The following FAM72D variants were observed in gnomAD, a reference collection of about 807,000 sequenced individuals.
The protein encoded by FAM72D is protein FAM72D.
For missense variants in FAM72D, 9 were observed against 104.7 expected, an observed-to-expected ratio of 0.09 and a Z score of 3.99; for synonymous variants, 4 against 35.1, an observed-to-expected ratio of 0.11 and a Z score of 3.13.
intron 3 of FAM72D, among the ~76,000 whole-genome samples, chr1:145,105,969 AAAG>A (rs1553638404): frequency 6.7e-6 from 1 of 149,992 alleles, no homozygotes; most frequent in East Asian, 2.0e-4. Flanking sequence ...AAAAAAAAGA[AAAG>A]AAAAGAAAAA....
At chr1:145,107,111 G>A (rs1553638504) in intron 3 of FAM72D, among the ~76,000 whole-genome samples, 1 of 72,668 alleles carries the variant, frequency 1.4e-5, no homozygotes, top group Non-Finnish European at 2.6e-5. Flanking sequence ...TCCAGCCTGG[G>A]CAACAGAGTG....
chr1:145,104,386 T>C, intron 3 of FAM72D, among the ~76,000 whole-genome samples: 1 of 149,714 alleles, frequency 6.7e-6, no homozygotes, highest in East Asian at 1.9e-4. Context: ...CTCTGTAGCA[T>C]GTGATGTCAT....
Position 145,096,656 on chromosome 1 carries a change from C to G in FAM72D, c.-192C>G. On this transcript the variant is annotated 5_prime_UTR_variant, in exon 1 of 4. Coordinates refer to ENST00000400889, the MANE Select transcript of FAM72D (RefSeq NM_207418.3). ...CCAAGTTTACCACGCTCCCCTGTTCCTACTCAATAAATACTTCTTCTACTC... is the reference window on the plus strand; with the variant it reads ...CCAAGTTTACCACGCTCCCCTGTTCGTACTCAATAAATACTTCTTCTACTC... 1 of 1,065,414 alleles carries G rather than the reference C, an allele frequency of 9.4e-7. No individual in the cohort carries two copies. The highest frequency in any genetic ancestry group is 2.7e-5 in the East Asian group (1 of 36,834). 66.0% of individuals were successfully genotyped at this position (1,065,414 alleles called of 1,614,324 possible).
chr1:145,102,698 C>G (rs1438506920), intron 2 of FAM72D, among the ~76,000 whole-genome samples: 1 of 100,562 alleles, frequency 9.9e-6, no homozygotes, highest in Non-Finnish European at 2.1e-5. Context: ...ACCTGGGAGG[C>G]GGAGGTTGCA....
At chr1:145,105,291 T>C (rs1654865464) in intron 3 of FAM72D, among the ~76,000 whole-genome samples, 1 of 16,642 alleles carries the variant, frequency 6.0e-5, no homozygotes, top group East Asian at 1.0e-3. Flanking sequence ...GCCTGTCCTT[T>C]GAAGCTTTGA....
At position 145,107,564 on chromosome 1, in the gene FAM72D, T is replaced by C. The variant is rs1305464023; in HGVS notation, c.356-3939T>C. On this transcript the variant is annotated intron_variant, in intron 3 of 3. Transcript: ENST00000400889. Reference sequence around the variant, plus strand: ...ATGCCTGGCCTGAAGTACCTTTTTTTTTTTTTTTTTTTTGAGATGGAGTCA... The same window carrying C: ...ATGCCTGGCCTGAAGTACCTTTTTTCTTTTTTTTTTTTTGAGATGGAGTCA... Among the ~76,000 whole-genome samples, 3 of 126,638 alleles carry C rather than the reference T, an allele frequency of 2.4e-5. No individual in the cohort carries two copies. The East Asian group carries it at 6.5e-4, about 28-fold the overall frequency. The allele number at this position is 126,638 out of a possible 152,430, so 83.1% of individuals were successfully genotyped here. A position where few individuals can be genotyped will look rare whatever the true frequency, so the allele number is the denominator to read the frequency against.
Position 145,112,417 on chromosome 1 carries a change from G to T in FAM72D, c.*820G>T, listed in dbSNP as rs1260312803. ...ATTGTACATTATAAAGAGCTGTTTT[G>T]TTTTGCTTTGCTTTGCTTTGTTTTG... is the stretch of plus-strand genomic sequence containing the variant. On this transcript the variant is annotated 3_prime_UTR_variant, in exon 4 of 4. Coordinates refer to ENST00000400889, the MANE Select transcript of FAM72D (RefSeq NM_207418.3). The T allele has an allele frequency of 2.0e-5, 3 of 150,672 alleles. No individual in the cohort carries two copies. The highest frequency in any genetic ancestry group is 2.9e-5 in the Non-Finnish European group (2 of 67,876). The allele number at this position is 150,672 out of a possible 1,614,324, so 9.3% of individuals were successfully genotyped here.
At chr1:145,102,747 C>CAAT (rs199492496) in intron 2 of FAM72D, among the ~76,000 whole-genome samples, 14,444 of 113,788 alleles carry the variant, frequency 0.13, 806 homozygotes, top group African/African-American at 0.17. Context: ...AACTCGGTCT[C>CAAT]AATAATAATA....
At position 145,105,679 on chromosome 1, in the gene FAM72D, G is replaced by A. The variant is rs782404483; in HGVS notation, c.355+2548G>A. ...AAAAAAAAGGAATAAGAGGCCGGGC[G>A]CGGTGGCTCACGCCTGTAATCCCAG... On this transcript the variant is annotated intron_variant, in intron 3 of 3. Coordinates refer to ENST00000400889, the MANE Select transcript of FAM72D (RefSeq NM_207418.3). Among the ~76,000 whole-genome samples, 52 of 150,898 alleles carry A rather than the reference G, an allele frequency of 3.4e-4. 2 individuals are homozygous for A. The highest frequency in any genetic ancestry group is 5.6e-4 in the Non-Finnish European group (38 of 67,756).
intron 2 of FAM72D, among the ~76,000 whole-genome samples, chr1:145,102,789 T>TAGC (rs1311746510): frequency 3.1e-5 from 4 of 128,194 alleles, no homozygotes; most frequent in East Asian, 4.2e-4. Flanking sequence ...ATAATAATAA[T>TAGC]AGCAAAGAAA....
Position 145,112,377 on chromosome 1 carries a change from C to T in FAM72D, c.*780C>T, listed in dbSNP as rs1350072689. On this transcript the variant is annotated 3_prime_UTR_variant, in exon 4 of 4. Transcript: ENST00000400889. The stretch of plus-strand genomic sequence containing the variant: ...TCTTAAATAGAAAAAAAAACTAAAG[C>T]GATTTGCTTAAGCCATTGTACATTA... The T allele has an allele frequency of 2.6e-5, 4 of 151,400 alleles. No individual in the cohort carries two copies. Among genetic ancestry groups the T allele is most frequent in the East Asian group, 1.9e-4 (1 of 5,146 alleles). The allele number at this position is 151,400 out of a possible 1,614,324, so 9.4% of individuals were successfully genotyped here. A position where few individuals can be genotyped will look rare whatever the true frequency, so the allele number is the denominator to read the frequency against.
chr1:145,112,339 G>A lies in FAM72D; in HGVS notation c.*742G>A, dbSNP rs1322493998. 6.6e-6 allele frequency: 1 copy of A among 151,556 alleles called. No individual in the cohort carries two copies. Among genetic ancestry groups the A allele is most frequent in the Non-Finnish European group, 1.5e-5 (1 of 67,892 alleles). 9.4% of individuals were successfully genotyped at this position (151,556 alleles called of 1,614,324 possible). ...TGTAAATAGTGAATTTTAGACGAGT[G>A]GTCTGTCCTAAATCTTAAATAGAAA... On this transcript the variant is annotated 3_prime_UTR_variant, in exon 4 of 4. Transcript: ENST00000400889.
chr1:145,097,246 A>C (rs1313105526), intron 1 of FAM72D, among the ~76,000 whole-genome samples: 4 of 133,520 alleles, frequency 3.0e-5, no homozygotes, highest in Admixed American at 2.8e-4. Context: ...CACATCTCTT[A>C]AGTTTGATCC....
At chr1:145,107,371 G>T (rs372649804) in intron 3 of FAM72D, among the ~76,000 whole-genome samples, 217 of 111,528 alleles carry the variant, frequency 1.9e-3, no homozygotes, top group African/African-American at 2.7e-3. Flanking sequence ...TCAGCCTCCC[G>T]AGTAGCGAGA....
chr1:145,100,698 C>G (rs9697687), intron 2 of FAM72D, among the ~76,000 whole-genome samples: 11 of 147,856 alleles, frequency 7.4e-5, no homozygotes, highest in East Asian at 2.0e-4. Context: ...CACCGTGTTG[C>G]CCAGGCTGCT....
rs1300938268 is a variant in FAM72D at position 145,106,824 on chromosome 1, T to A, written c.355+3693T>A. ...ACAGACACAAGGTAAGCATATGCTG[T>A]TAGACTTACTCAATGCAGGATTGCC... is the stretch of plus-strand genomic sequence containing the variant. On this transcript the variant is annotated intron_variant, in intron 3 of 3. Coordinates refer to ENST00000400889, the MANE Select transcript of FAM72D (RefSeq NM_207418.3). 3.0e-5 allele frequency among the ~76,000 whole-genome samples: 4 copies of A among 133,928 alleles called. No individual in the cohort carries two copies. In the East Asian group the frequency reaches 8.3e-4, roughly 28 times the overall value. The allele number at this position is 133,928 out of a possible 152,430, so 87.9% of individuals were successfully genotyped here.
chr1:145,101,020 A>C (rs9697517), intron 2 of FAM72D, among the ~76,000 whole-genome samples: 5 of 150,510 alleles, frequency 3.3e-5, no homozygotes, highest in South Asian at 2.1e-4. Context: ...TGGCTCACTG[A>C]AACCTCCGTC....
rs1375820965 is a variant in FAM72D at position 145,112,479 on chromosome 1, G to A, written c.*882G>A. 2 of 147,410 alleles carry A rather than the reference G, an allele frequency of 1.4e-5. No individual in the cohort carries two copies. The highest frequency in any genetic ancestry group is 2.9e-5 in the Non-Finnish European group (2 of 67,850). The allele number at this position is 147,410 out of a possible 1,614,324, so 9.1% of individuals were successfully genotyped here. ...CTGCATTCAGAGCTACAAAGGAATA[G>A]GAAAGTAGGGTAGTGTTGGATTCTG... On this transcript the variant is annotated 3_prime_UTR_variant, in exon 4 of 4. Transcript: ENST00000400889.
chr1:145,105,651 GAAAA>G (rs200256929), intron 3 of FAM72D, among the ~76,000 whole-genome samples: 37 of 147,254 alleles, frequency 2.5e-4, no homozygotes, highest in African/African-American at 9.1e-4. Flanking sequence ...AACTCCATCT[GAAAA>G]AAAAAAGGAA....
Sources: gnomAD v4.1 joint callset for allele counts (sites outside exome capture counted in the v4.1 genomes callset) on GRCh38, gnomAD v4.1.1 for gene constraint, MANE v1.5 for transcripts, NCBI Gene and HGNC (gene_info 2026-07-23, HGNC 2026-07-21) for gene names.